The following EPHA7 variants were observed in gnomAD, a reference collection of about 807,000 sequenced individuals.
The protein encoded by EPHA7 is ephrin type-A receptor 7.
Under a neutral mutation model 112.6 loss-of-function variants are expected in EPHA7, and 25 were observed. That is an observed-to-expected ratio of 0.22 (90% CI 0.16 to 0.31). The LOEUF (loss-of-function observed/expected upper bound fraction) is 0.31, where lower values mean the gene tolerates loss of function less well. Ranked by LOEUF, EPHA7 falls within the 10% of genes least tolerant of loss-of-function variation. The pLI is 1.00. For synonymous variants in EPHA7, 437 were observed against 406.5 expected, an observed-to-expected ratio of 1.07 and a Z score of -0.90; for missense variants, 962 against 1,212.6, an observed-to-expected ratio of 0.79 and a Z score of 3.07.
At chr6:93,373,669 T>C (rs1776912298) in intron 3 of EPHA7, among the ~76,000 whole-genome samples, 1 of 152,038 alleles carries the variant, frequency 6.6e-6, no homozygotes, top group Non-Finnish European at 1.5e-5. Context: ...TTAGTAGTAT[T>C]TTTAGCTCTC....
chr6:93,268,692 T>C (rs1336553014), intron 7 of EPHA7, among the ~76,000 whole-genome samples: 2 of 151,730 alleles, frequency 1.3e-5, no homozygotes, highest in African/African-American at 4.8e-5. Flanking sequence ...TGTTCTGAAC[T>C]TGGACTCTGA....
At chr6:93,281,034 T>C (rs1318921615) in intron 5 of EPHA7, among the ~76,000 whole-genome samples, 1 of 152,148 alleles carries the variant, frequency 6.6e-6, no homozygotes, top group African/African-American at 2.4e-5. Flanking sequence ...ATACCAGCAC[T>C]CTCCATAATA....
intron 5 of EPHA7, among the ~76,000 whole-genome samples, chr6:93,295,590 T>G (rs1417240157): frequency 6.6e-6 from 1 of 151,810 alleles, no homozygotes; most frequent in Non-Finnish European, 1.5e-5. Flanking sequence ...TATAGTCAAT[T>G]TTATCAAGAT....
At chr6:93,313,621 T>C (rs1314681589) in intron 5 of EPHA7, among the ~76,000 whole-genome samples, 1 of 152,048 alleles carries the variant, frequency 6.6e-6, no homozygotes, top group East Asian at 1.9e-4. Flanking sequence ...TCAAAACAAT[T>C]ACTAAATAAA....
At chr6:93,275,394 A>G (rs1313896799) in intron 5 of EPHA7, among the ~76,000 whole-genome samples, 1 of 151,998 alleles carries the variant, frequency 6.6e-6, no homozygotes, top group Non-Finnish European at 1.5e-5. Flanking sequence ...TCTAACAAAT[A>G]ATTAACAGAT....
chr6:93,397,612 C>T (rs1304152143), intron 3 of EPHA7, among the ~76,000 whole-genome samples: 1 of 151,922 alleles, frequency 6.6e-6, no homozygotes, highest in Admixed American at 6.6e-5. Context: ...CGAATATTCT[C>T]ATGCGTATGT....
intron 3 of EPHA7, among the ~76,000 whole-genome samples, chr6:93,366,820 T>C (rs1335025737): frequency 6.6e-6 from 1 of 152,094 alleles, no homozygotes; most frequent in East Asian, 1.9e-4. Context: ...TCATGTAAAT[T>C]ATTAAAAAGA....
intron 3 of EPHA7, among the ~76,000 whole-genome samples, chr6:93,381,775 T>G (rs1777348407): frequency 6.6e-6 from 1 of 151,936 alleles, no homozygotes; most frequent in South Asian, 2.1e-4. Flanking sequence ...CCAATTCCTC[T>G]GCTCAGTCTT....
At position 93,241,242 on chromosome 6, in the gene EPHA7, G is replaced by A. The variant is rs1454788039; in HGVS notation, c.*2184C>T. Reference sequence around the variant, plus strand: ...AATAAGCACCTTAAGCTATGAACAAGAAAAGAACTTCATTATTAGTGAGTC... The same window carrying A: ...AATAAGCACCTTAAGCTATGAACAAAAAAAGAACTTCATTATTAGTGAGTC... On this transcript the variant is annotated 3_prime_UTR_variant, in exon 17 of 17. Transcript: ENST00000369303. 9.1e-6 allele frequency: 2 copies of A among 218,852 alleles called. No homozygotes were observed. Among genetic ancestry groups the A allele is most frequent in the African/African-American group, 4.5e-5 (2 of 44,558 alleles). The allele number at this position is 218,852 out of a possible 1,614,324, so 13.6% of individuals were successfully genotyped here.
intron 5 of EPHA7, among the ~76,000 whole-genome samples, chr6:93,326,126 C>T (rs1774307069): frequency 6.6e-6 from 1 of 151,258 alleles, no homozygotes; most frequent in Non-Finnish European, 1.5e-5. Flanking sequence ...CTCATAAGAA[C>T]GCTAAAGAAT....
At chr6:93,334,776 G>A (rs1440993599) in intron 5 of EPHA7, among the ~76,000 whole-genome samples, 1 of 152,032 alleles carries the variant, frequency 6.6e-6, no homozygotes, top group Non-Finnish European at 1.5e-5. Flanking sequence ...TTAAACGAGT[G>A]ATGCAAATCC....
chr6:93,359,785 T>G (rs573258391), intron 3 of EPHA7, among the ~76,000 whole-genome samples: 1 of 152,022 alleles, frequency 6.6e-6, no homozygotes, highest in Non-Finnish European at 1.5e-5. Context: ...ATAGGTATTT[T>G]ATATAATTTA....
chr6:93,364,451 G>A (rs1171749488), intron 3 of EPHA7, among the ~76,000 whole-genome samples: 1 of 151,162 alleles, frequency 6.6e-6, no homozygotes, highest in African/African-American at 2.4e-5. Flanking sequence ...TTGAACCCGG[G>A]AGGTGAAGGC....
intron 5 of EPHA7, among the ~76,000 whole-genome samples, chr6:93,309,030 C>A (rs181030981): frequency 6.6e-6 from 1 of 151,966 alleles, no homozygotes; most frequent in African/African-American, 2.4e-5. Context: ...CTCACTGCAA[C>A]CTCCACCTCC....
chr6:93,255,657 A>G (rs1770409788), intron 13 of EPHA7, among the ~76,000 whole-genome samples, 171 bp downstream of exon 13: 1 of 151,846 alleles, frequency 6.6e-6, no homozygotes, highest in South Asian at 2.1e-4. Context: ...TATATTGTAC[A>G]AACAATGATT....
chr6:93,415,153 T>C (rs530774590), intron 1 of EPHA7, among the ~76,000 whole-genome samples: 9 of 152,004 alleles, frequency 5.9e-5, no homozygotes, highest in Non-Finnish European at 1.3e-4. Flanking sequence ...ATAATTCCTA[T>C]ATTACTCTTG....
chr6:93,393,841 T>C (rs1361150395), intron 3 of EPHA7, among the ~76,000 whole-genome samples: 1 of 151,826 alleles, frequency 6.6e-6, no homozygotes. Context: ...TCCCCTCTTT[T>C]ATGGAAACTC....
intron 3 of EPHA7, among the ~76,000 whole-genome samples, chr6:93,387,349 A>G (rs781220669): frequency 1.3e-5 from 2 of 152,106 alleles, no homozygotes; most frequent in Non-Finnish European, 2.9e-5. Flanking sequence ...AGACCACCTC[A>G]GCCTGAACTT....
At chr6:93,362,262 A>G (rs1776298586) in intron 3 of EPHA7, among the ~76,000 whole-genome samples, 1 of 152,030 alleles carries the variant, frequency 6.6e-6, no homozygotes, top group African/African-American at 2.4e-5. Flanking sequence ...ACTTCTATAT[A>G]CCAGAGTAAT....
Sources: gnomAD v4.1 joint callset for allele counts (sites outside exome capture counted in the v4.1 genomes callset) on GRCh38, gnomAD v4.1.1 for gene constraint, MANE v1.5 for transcripts, NCBI Gene and HGNC (gene_info 2026-07-23, HGNC 2026-07-21) for gene names.